The following FER variants were observed in gnomAD, a reference collection of about 807,000 sequenced individuals.
The protein encoded by FER is FER tyrosine kinase, also known as tyrosine-protein kinase Fer.
Under a neutral mutation model 111.0 loss-of-function variants are expected in FER, and 63 were observed. That is an observed-to-expected ratio of 0.57 (90% CI 0.46 to 0.70). FER has a LOEUF of 0.70. FER is among the 30% of genes least tolerant of loss of function. FER has a pLI of 0.00. For missense variants in FER, 914 were observed against 954.0 expected (o/e 0.96, Z 0.55); for synonymous variants, 327 against 313.9 (o/e 1.04, Z -0.44).
chr5:108,996,035 C>G (rs1323177254), intron 13 of FER, among the ~76,000 whole-genome samples: 2 of 152,178 alleles, frequency 1.3e-5, no homozygotes, highest in African/African-American at 2.4e-5. Flanking sequence ...AGCTTTTCTT[C>G]GTATGTTTGT....
chr5:108,946,875 A>T (rs1345987479), intron 11 of FER, among the ~76,000 whole-genome samples: 1 of 151,934 alleles, frequency 6.6e-6, no homozygotes, highest in African/African-American at 2.4e-5. Context: ...TACACCCCTA[A>T]CAAGTACTAG....
chr5:109,145,639 A>G (rs981959319), intron 17 of FER, among the ~76,000 whole-genome samples: 1 of 152,080 alleles, frequency 6.6e-6, no homozygotes, highest in Non-Finnish European at 1.5e-5. Flanking sequence ...TCTAACATTC[A>G]AAAATAAAGA....
chr5:109,125,141 C>T (rs1313751089), intron 17 of FER, among the ~76,000 whole-genome samples: 1 of 151,480 alleles, frequency 6.6e-6, no homozygotes, highest in Non-Finnish European at 1.5e-5. Context: ...ACTAAACTTG[C>T]TGTTCTCAAG....
chr5:108,941,580 G>A (rs1285394404), intron 10 of FER, among the ~76,000 whole-genome samples: 1 of 152,052 alleles, frequency 6.6e-6, no homozygotes, highest in Non-Finnish European at 1.5e-5. Flanking sequence ...CTGTTGTATC[G>A]TTATGTCCCT....
At chr5:108,965,510 A>G (rs1426046929) in intron 13 of FER, among the ~76,000 whole-genome samples, 3 of 152,268 alleles carry the variant, frequency 2.0e-5, no homozygotes, top group Non-Finnish European at 2.9e-5. Flanking sequence ...AGAATACTCT[A>G]CCTCTATTAT....
chr5:109,019,275 C>A (rs772120529), intron 13 of FER, among the ~76,000 whole-genome samples: 6 of 151,328 alleles, frequency 4.0e-5, no homozygotes, highest in Non-Finnish European at 7.4e-5. Context: ...CTAGCCATGC[C>A]CTCATAAAAT....
chr5:109,084,507 TA>T (rs147064446), intron 16 of FER, among the ~76,000 whole-genome samples: 66,734 of 151,350 alleles, frequency 0.44, 15,529 homozygotes, highest in African/African-American at 0.59. Context: ...CAATTAAAAA[TA>T]AAAAAAAATT....
At chr5:109,122,073 T>C (rs1388823705) in intron 17 of FER, among the ~76,000 whole-genome samples, 1 of 152,094 alleles carries the variant, frequency 6.6e-6, no homozygotes, top group African/African-American at 2.4e-5. Context: ...TTATTTCAAT[T>C]TCATTTATCT....
chr5:108,748,730 A>G (rs1750058158), intron 1 of FER: 1 of 152,266 alleles, frequency 6.6e-6, no homozygotes. Flanking sequence ...CTAGGGCCCA[A>G]GTCCTGCCCC....
At chr5:109,041,876 C>A (rs1427362026) in intron 14 of FER, among the ~76,000 whole-genome samples, 3 of 152,062 alleles carry the variant, frequency 2.0e-5, no homozygotes, top group Non-Finnish European at 4.4e-5. Context: ...TAATAGAACA[C>A]TGTGTTCTAT....
intron 17 of FER, among the ~76,000 whole-genome samples, chr5:109,130,524 T>C (rs1442807546): frequency 6.6e-6 from 1 of 152,044 alleles, no homozygotes; most frequent in Non-Finnish European, 1.5e-5. Context: ...TAAAATGATA[T>C]AAAAATAAAC....
chr5:109,012,384 G>C (rs1766398156), intron 13 of FER, among the ~76,000 whole-genome samples: 1 of 152,122 alleles, frequency 6.6e-6, no homozygotes, highest in Non-Finnish European at 1.5e-5. Flanking sequence ...GCCTTCAATT[G>C]ATGGCAAGTT....
At chr5:108,752,103 T>C (rs762545413) in intron 1 of FER, among the ~76,000 whole-genome samples, 3 of 152,148 alleles carry the variant, frequency 2.0e-5, no homozygotes, top group Non-Finnish European at 4.4e-5. Context: ...ATCATGCTAT[T>C]GAGAGACTGA....
intron 17 of FER, among the ~76,000 whole-genome samples, chr5:109,142,547 T>C (rs1373432858): frequency 6.6e-6 from 1 of 152,042 alleles, no homozygotes; most frequent in Non-Finnish European, 1.5e-5. Context: ...AAGGCATACT[T>C]TTGAGGAACA....
At chr5:109,110,266 T>A (rs1353538873) in intron 17 of FER, among the ~76,000 whole-genome samples, 4 of 152,050 alleles carry the variant, frequency 2.6e-5, no homozygotes. Flanking sequence ...TATAAAATAG[T>A]CCATGTGTTA....
chr5:108,753,036 A>T (rs2149905060), intron 1 of FER, among the ~76,000 whole-genome samples: 1 of 152,254 alleles, frequency 6.6e-6, no homozygotes, highest in Non-Finnish European at 1.5e-5. Flanking sequence ...TCTTTAAGTC[A>T]TAATTTTCTC....
At chr5:108,992,898 A>G (rs1581550740) in intron 13 of FER, among the ~76,000 whole-genome samples, 1 of 145,998 alleles carries the variant, frequency 6.8e-6, no homozygotes, top group Admixed American at 6.8e-5. Flanking sequence ...CACATCCCAG[A>G]CGGGGCGGCG....
chr5:109,092,406 T>A (rs1746925730), intron 16 of FER, among the ~76,000 whole-genome samples: 1 of 151,038 alleles, frequency 6.6e-6, no homozygotes, highest in Admixed American at 6.6e-5. Flanking sequence ...AAAGAATTCC[T>A]GCAACTCAAC....
At chr5:109,162,960 TC>T (rs908728593) in intron 17 of FER, among the ~76,000 whole-genome samples, 6 of 152,042 alleles carry the variant, frequency 3.9e-5, no homozygotes, top group Admixed American at 2.6e-4. Context: ...TTACCACACT[TC>T]CATCATCCCC....
Sources: allele counts gnomAD v4.1 joint callset (sites outside exome capture counted in the v4.1 genomes callset), GRCh38; gene constraint gnomAD v4.1.1; transcripts MANE v1.5; gene names NCBI Gene and HGNC (gene_info 2026-07-23, HGNC 2026-07-21).